The following EPM2A variants were observed in gnomAD, a reference collection of about 807,000 sequenced individuals.
EPM2A encodes laforin.
Under a neutral mutation model 26.5 loss-of-function variants are expected in EPM2A, and 21 were observed. The ratio of observed to expected loss-of-function variants is 0.79; its 90% CI spans 0.56 to 1.14. The LOEUF (loss-of-function observed/expected upper bound fraction) is 1.14, where lower values mean the gene tolerates loss of function less well. Ranked by LOEUF, EPM2A falls within the 50% of genes most tolerant of loss-of-function variation. EPM2A has a pLI of 0.00. For synonymous variants in EPM2A, 217 were observed against 177.6 expected (o/e 1.22, Z -1.76); for missense variants, 458 against 440.8 (o/e 1.04, Z -0.35).
At chr6:145,419,791 A>G (rs968957035) in intron 4 of EPM2A, among the ~76,000 whole-genome samples, 1 of 152,188 alleles carries the variant, frequency 6.6e-6, no homozygotes, top group African/African-American at 2.4e-5. Context: ...TGGTAAAAAA[A>G]CCATTCTGAA....
chr6:145,530,276 A>T (rs1250581470), intron 2 of EPM2A, among the ~76,000 whole-genome samples: 2 of 152,332 alleles, frequency 1.3e-5, no homozygotes, highest in East Asian at 3.9e-4. Context: ...CTCTAGATCA[A>T]CAAATGGAAT....
At chr6:145,610,295 A>G (rs1313296277) in intron 2 of EPM2A, among the ~76,000 whole-genome samples, 3 of 152,188 alleles carry the variant, frequency 2.0e-5, no homozygotes, top group Non-Finnish European at 2.9e-5. Context: ...TTATCTCACA[A>G]GGGAATCTAT....
At chr6:145,460,253 T>C (rs1779313020) in intron 4 of EPM2A, among the ~76,000 whole-genome samples, 1 of 152,036 alleles carries the variant, frequency 6.6e-6, no homozygotes, top group African/African-American at 2.4e-5. Context: ...TTACCAAGAG[T>C]TCTATTCAAA....
chr6:145,679,114 T>A (rs955359610), intron 2 of EPM2A, among the ~76,000 whole-genome samples: 1 of 152,076 alleles, frequency 6.6e-6, no homozygotes, highest in Admixed American at 6.5e-5. Context: ...CATGGATGAA[T>A]CTGGAAACCA....
chr6:145,541,705 A>G lies in EPM2A; in HGVS notation c.341-39130T>C, dbSNP rs542148618. On this transcript the variant is annotated intron_variant, in intron 2 of 3. Transcript: ENST00000450221. Reference sequence around the variant, plus strand: ...AAGCAGAATGAAGAATATACTTGCAATGATGGCCATAAAATGATGAGGATC... The same window carrying G: ...AAGCAGAATGAAGAATATACTTGCAGTGATGGCCATAAAATGATGAGGATC... Among the ~76,000 whole-genome samples the G allele has an allele frequency of 9.2e-5, 14 of 152,274 alleles. No individual in the cohort carries two copies. The East Asian group carries it at 2.1e-3, about 23-fold the overall frequency.
At chr6:145,624,208 C>T (rs1449982517), downstream of EPM2A, among the ~76,000 whole-genome samples, 1 of 152,090 alleles carries the variant, frequency 6.6e-6, no homozygotes, top group Non-Finnish European at 1.5e-5. Flanking sequence ...TTTCCTACTG[C>T]GATCTAGTCC....
At chr6:145,489,853 T>C in intron 4 of EPM2A, 2 of 1,434,770 alleles carry the variant, frequency 1.4e-6, no homozygotes, top group Non-Finnish European at 2.0e-6. Flanking sequence ...CACTGGCACC[T>C]GATTTATCCA....
intron 2 of EPM2A, among the ~76,000 whole-genome samples, chr6:145,658,273 ATGAC>A (rs1428100745): frequency 1.3e-5 from 2 of 152,156 alleles, no homozygotes; most frequent in Non-Finnish European, 2.9e-5. Flanking sequence ...TTTCCATTCA[ATGAC>A]TGACCTGTTC....
chr6:145,695,267 G>A (rs1781508208), intron 1 of EPM2A, among the ~76,000 whole-genome samples: 1 of 151,828 alleles, frequency 6.6e-6, no homozygotes, highest in South Asian at 2.1e-4. Context: ...TAAACCTCAT[G>A]GTAATTGCAA....
chr6:145,479,452 C>T (rs766764629), intron 4 of EPM2A, among the ~76,000 whole-genome samples: 35 of 151,666 alleles, frequency 2.3e-4, no homozygotes, highest in Non-Finnish European at 4.6e-4. Context: ...TATGTATTCC[C>T]ATAACCTCTT....
At chr6:145,674,940 C>A (rs1338983721) in intron 2 of EPM2A, among the ~76,000 whole-genome samples, 1 of 152,048 alleles carries the variant, frequency 6.6e-6, no homozygotes, top group Non-Finnish European at 1.5e-5. Flanking sequence ...GAGAACACCA[C>A]GAAGATACTC....
rs1356977790 is a variant in EPM2A at position 145,625,741 on chromosome 6, T to C, written c.*1675A>G. 3.1e-6 allele frequency: 3 copies of C among 962,756 alleles called. No individual in the cohort carries two copies. The highest frequency in any genetic ancestry group is 3.4e-5 in the Admixed American group (2 of 58,594). 59.6% of individuals were successfully genotyped at this position (962,756 alleles called of 1,614,324 possible). A position where few individuals can be genotyped will look rare whatever the true frequency, so the allele number is the denominator to read the frequency against. ...GCTAGCTGCCTCTGCCCAAAGCAAA[T>C]GTCATCTCCCCTAAGTGCCACAGTT... On this transcript the variant is annotated 3_prime_UTR_variant, in exon 4 of 4. Transcript: ENST00000367519.
chr6:145,676,996 A>G (rs532402756), intron 2 of EPM2A, among the ~76,000 whole-genome samples: 1 of 152,244 alleles, frequency 6.6e-6, no homozygotes, highest in East Asian at 1.9e-4. Flanking sequence ...AGCATTTTAG[A>G]CCAATATCCC....
intron 4 of EPM2A, among the ~76,000 whole-genome samples, chr6:145,447,943 A>G (rs886379443): frequency 6.6e-6 from 1 of 152,114 alleles, no homozygotes; most frequent in South Asian, 2.1e-4. Context: ...AAATTCTCAA[A>G]AGACATCAAA....
At chr6:145,518,603 A>C (rs1480404826) in intron 2 of EPM2A, among the ~76,000 whole-genome samples, 1 of 58,260 alleles carries the variant, frequency 1.7e-5, no homozygotes, top group South Asian at 8.7e-4. Flanking sequence ...ACCAAAAAAA[A>C]AAAAAAAAAA....
chr6:145,545,714 G>A (rs1039537509), intron 2 of EPM2A, among the ~76,000 whole-genome samples: 5 of 151,996 alleles, frequency 3.3e-5, no homozygotes, highest in African/African-American at 1.2e-4. Flanking sequence ...TGCAGGACCC[G>A]AGCTGAGCTG....
At chr6:145,528,507 T>C (rs558824993) in intron 2 of EPM2A, among the ~76,000 whole-genome samples, 3 of 152,316 alleles carry the variant, frequency 2.0e-5, no homozygotes, top group Admixed American at 6.5e-5. Flanking sequence ...CTGTGTTCTA[T>C]ATATGGAACA....
intron 4 of EPM2A, among the ~76,000 whole-genome samples, chr6:145,486,195 G>A (rs1322414972): frequency 6.6e-6 from 1 of 152,164 alleles, no homozygotes; most frequent in Non-Finnish European, 1.5e-5. Flanking sequence ...AAAAGGTAAA[G>A]CTAAAGCTGC....
At chr6:145,666,479 G>A (rs1779201712) in intron 2 of EPM2A, among the ~76,000 whole-genome samples, 1 of 69,534 alleles carries the variant, frequency 1.4e-5, no homozygotes, top group Non-Finnish European at 2.6e-5. Flanking sequence ...CCTCTTCAAG[G>A]AGAACTACAA....
Sources: allele counts gnomAD v4.1 joint callset (sites outside exome capture counted in the v4.1 genomes callset), GRCh38; gene constraint gnomAD v4.1.1; transcripts MANE v1.5; gene names NCBI Gene and HGNC (gene_info 2026-07-23, HGNC 2026-07-21).